Variants in RIT2 observed in about 807,000 individuals in gnomAD.
RIT2 encodes Ras like without CAAX 2.
A neutral mutation model predicts 23.7 loss-of-function variants in RIT2; 24 were observed. The observed-to-expected ratio is 1.01, with a 90% CI of 0.73 to 1.43. RIT2 has a LOEUF of 1.43. Among genes scored for constraint, RIT2 ranks in the 40% most tolerant of loss-of-function variants. The pLI is 0.00. For missense variants in RIT2, 236 were observed against 266.9 expected, an observed-to-expected ratio of 0.88 and a Z score of 0.81; for synonymous variants, 107 against 91.1, an observed-to-expected ratio of 1.17 and a Z score of -0.99.
chr18:42,772,970 G>A (rs1913586015), intron 4 of RIT2, among the ~76,000 whole-genome samples: 1 of 152,100 alleles, frequency 6.6e-6, no homozygotes, highest in Non-Finnish European at 1.5e-5. Flanking sequence ...GCAAAGATGT[G>A]TTTATTTAAA....
intron 1 of RIT2, among the ~76,000 whole-genome samples, chr18:43,107,849 T>C (rs1913861321): frequency 6.6e-6 from 1 of 152,036 alleles, no homozygotes; most frequent in Non-Finnish European, 1.5e-5. Flanking sequence ...TAGACGATTT[T>C]GTGTGATGTT....
intron 4 of RIT2, among the ~76,000 whole-genome samples, chr18:42,919,580 G>T (rs552737401): frequency 6.6e-6 from 1 of 152,186 alleles, no homozygotes; most frequent in Non-Finnish European, 1.5e-5. Flanking sequence ...TGGGCATGAT[G>T]GTGGGCACCT....
At position 43,033,818 on chromosome 18, in the gene RIT2, A is replaced by G. The variant is rs747093603; in HGVS notation, c.153T>C (p.Pro51=). The G allele has an allele frequency of 1.9e-6, 3 of 1,606,462 alleles. No individual in the cohort carries two copies. The African/African-American group carries it at 4.0e-5, about 21-fold the overall frequency. The change falls in exon 2 of 5, where the codon CCT becomes CCC. Residue 51 remains proline, a synonymous_variant. Transcript: ENST00000326695. The part of the protein sequence containing the change: ...ISHQFPDYHD[P]TIEDAYKTQV... ...AAGGAAGCTTCCACTTACCTATAGTAGGGTCATGATAATCAGGGAACTGAT... is the reference window on the plus strand; with the variant it reads ...AAGGAAGCTTCCACTTACCTATAGTGGGGTCATGATAATCAGGGAACTGAT...
At chr18:42,773,259 G>A (rs1164924369) in intron 4 of RIT2, among the ~76,000 whole-genome samples, 8 of 152,024 alleles carry the variant, frequency 5.3e-5, no homozygotes, top group African/African-American at 1.7e-4. Flanking sequence ...CTGAGAAAAC[G>A]GATTGAAAGG....
At chr18:42,959,275 C>T (rs1278518760) in intron 3 of RIT2, among the ~76,000 whole-genome samples, 1 of 152,126 alleles carries the variant, frequency 6.6e-6, no homozygotes, top group African/African-American at 2.4e-5. Context: ...GAGCTAAAAA[C>T]TGTAAGGACA....
At chr18:42,826,258 G>C (rs1248151569) in intron 4 of RIT2, among the ~76,000 whole-genome samples, 3 of 152,018 alleles carry the variant, frequency 2.0e-5, no homozygotes, top group Non-Finnish European at 4.4e-5. Flanking sequence ...AGAAGAGAAA[G>C]CTGAAGCAGG....
chr18:42,775,860 T>TACACAC (rs113530360), intron 4 of RIT2, among the ~76,000 whole-genome samples: 7,566 of 148,926 alleles, frequency 0.051, 253 homozygotes, highest in Middle Eastern at 0.08. Context: ...CACACACACA[T>TACACAC]ACACACACAC....
At chr18:42,934,664 A>G (rs1377374777) in intron 3 of RIT2, among the ~76,000 whole-genome samples, 4 of 152,226 alleles carry the variant, frequency 2.6e-5, no homozygotes, top group African/African-American at 7.2e-5. Flanking sequence ...ATGATATCAT[A>G]TGCATACATA....
chr18:42,942,856 T>A lies in RIT2; in HGVS notation c.235-19093A>T, dbSNP rs185989612. 5.3e-5 allele frequency among the ~76,000 whole-genome samples: 8 copies of A among 152,232 alleles called. No homozygotes were observed. In the East Asian group the frequency reaches 1.5e-3, roughly 29 times the overall value. Reference sequence around the variant, plus strand: ...AATCATATAAATGTTTGACAATAAATGATGTGATAGGAAAGCACCCGTCAA... The same window carrying A: ...AATCATATAAATGTTTGACAATAAAAGATGTGATAGGAAAGCACCCGTCAA... On this transcript the variant is annotated intron_variant, in intron 3 of 4. Transcript: ENST00000326695.
At chr18:42,899,028 A>G (rs910661835) in intron 4 of RIT2, among the ~76,000 whole-genome samples, 1 of 152,076 alleles carries the variant, frequency 6.6e-6, no homozygotes, top group African/African-American at 2.4e-5. Flanking sequence ...TACTTTTTAA[A>G]TAAATAATTA....
chr18:42,783,534 A>G (rs1913858285), intron 4 of RIT2, among the ~76,000 whole-genome samples: 1 of 132,748 alleles, frequency 7.5e-6, no homozygotes, highest in Non-Finnish European at 1.5e-5. Flanking sequence ...ATTTTAAACA[A>G]AAATGTTGAT....
intron 4 of RIT2, among the ~76,000 whole-genome samples, chr18:42,773,236 C>T (rs978060828): frequency 6.6e-5 from 10 of 152,132 alleles, no homozygotes; most frequent in African/African-American, 2.4e-4. Flanking sequence ...GCAGAACTGA[C>T]ATCTCTGACT....
At chr18:42,819,988 T>G (rs923754290) in intron 4 of RIT2, among the ~76,000 whole-genome samples, 6 of 152,170 alleles carry the variant, frequency 3.9e-5, no homozygotes, top group African/African-American at 1.4e-4. Context: ...ATACTTTAAG[T>G]AATCTCTAGG....
At chr18:43,010,585 T>C (rs1271753718) in intron 2 of RIT2, among the ~76,000 whole-genome samples, 1 of 151,818 alleles carries the variant, frequency 6.6e-6, no homozygotes, top group Non-Finnish European at 1.5e-5. Flanking sequence ...TAAAATATAA[T>C]AGTTGCTTTT....
rs73484604 is a variant in RIT2 at position 42,758,025 on chromosome 18, C to T, written c.427-14305G>A. On this transcript the variant is annotated intron_variant, in intron 4 of 4. Transcript: ENST00000326695. The stretch of plus-strand genomic sequence containing the variant: ...TTTTTTTTTTTTAATCTATTTCAAT[C>T]CTGCAGTATTAGTTGTCCCACCTTT... Among the ~76,000 whole-genome samples, 1,075 of 151,316 alleles carry T rather than the reference C, an allele frequency of 7.1e-3. 7 individuals carry two copies. Among genetic ancestry groups the T allele is most frequent in the African/African-American group, 0.025 (1,022 of 41,226 alleles).
At chr18:42,888,669 T>C (rs1908093279) in intron 4 of RIT2, among the ~76,000 whole-genome samples, 2 of 151,866 alleles carry the variant, frequency 1.3e-5, no homozygotes, top group South Asian at 4.2e-4. Flanking sequence ...CAGATGTGCA[T>C]CAATAGTAGA....
intron 4 of RIT2, among the ~76,000 whole-genome samples, chr18:42,899,006 T>G (rs1908405083): frequency 6.6e-6 from 1 of 152,118 alleles, no homozygotes; most frequent in African/African-American, 2.4e-5. Flanking sequence ...GAGTCTTCAT[T>G]GTGGTAATTA....
chr18:42,939,505 A>C (rs1464612395), intron 3 of RIT2, among the ~76,000 whole-genome samples: 2 of 152,160 alleles, frequency 1.3e-5, no homozygotes, highest in African/African-American at 4.8e-5. Context: ...TGACAGAGCT[A>C]CAAATAAGCC....
At chr18:42,984,178 G>C (rs1018510779) in intron 2 of RIT2, among the ~76,000 whole-genome samples, 5 of 151,992 alleles carry the variant, frequency 3.3e-5, no homozygotes, top group South Asian at 2.1e-4. Context: ...ATCAATGAAT[G>C]GTTACACAAA....
Sources: allele counts gnomAD v4.1 joint callset (sites outside exome capture counted in the v4.1 genomes callset), GRCh38; gene constraint gnomAD v4.1.1; transcripts MANE v1.5; gene names NCBI Gene and HGNC (gene_info 2026-07-23, HGNC 2026-07-21).